Variants in MARK4 observed in about 807,000 individuals in gnomAD.
The protein encoded by MARK4 is MAP/microtubule affinity-regulating kinase 4.
Under a neutral mutation model 81.5 loss-of-function variants are expected in MARK4, and 19 were observed. The ratio of observed to expected loss-of-function variants is 0.23; its 90% CI spans 0.16 to 0.34. The LOEUF (loss-of-function observed/expected upper bound fraction) is 0.34. MARK4 is among the 10% of genes least tolerant of loss of function. MARK4 has a pLI of 1.00. For synonymous variants in MARK4, 436 were observed against 439.0 expected, an observed-to-expected ratio of 0.99 and a Z score of 0.08; for missense variants, 772 against 1,058.8, an observed-to-expected ratio of 0.73 and a Z score of 3.76.
chr19:45,251,569 C>G lies in MARK4; in HGVS notation c.-20C>G, dbSNP rs1034342281. On this transcript the variant is annotated 5_prime_UTR_variant, in exon 1 of 17. Coordinates refer to ENST00000262891, the MANE Select transcript of MARK4 (RefSeq NM_001199867.2). The stretch of plus-strand genomic sequence containing the variant: ...CGCCCCCCCCACCCGGCCGCCCCTG[C>G]CCCCCGGGACCCGGAGAAGATGTCT... 1.5e-6 allele frequency: 2 copies of G among 1,311,232 alleles called. No homozygotes were observed. The highest frequency in any genetic ancestry group is 1.6e-5 in the African/African-American group (1 of 61,482). The allele number at this position is 1,311,232 out of a possible 1,614,324, so 81.2% of individuals were successfully genotyped here.
chr19:45,263,585 T>C (rs1269272116), intron 4 of MARK4, among the ~76,000 whole-genome samples: 1 of 151,496 alleles, frequency 6.6e-6, no homozygotes, highest in Non-Finnish European at 1.5e-5. Context: ...CTACTGAAAA[T>C]ACAAAAATTA....
At chr19:45,262,883 G>A (rs1049612472) in intron 2 of MARK4, 28 of 494,766 alleles carry the variant, frequency 5.7e-5, no homozygotes, top group Non-Finnish European at 7.0e-5. Context: ...TTCCAACTCA[G>A]CCTCCAGAGT....
intron 6 of MARK4, 60 bp downstream of exon 6, chr19:45,264,970 A>T: frequency 6.4e-7 from 1 of 1,563,108 alleles, no homozygotes; most frequent in South Asian, 1.1e-5. Context: ...AGGGCGTCTG[A>T]GAGCTGGGCA....
intron 8 of MARK4, among the ~76,000 whole-genome samples, chr19:45,275,077 A>G (rs948967025): frequency 1.3e-5 from 2 of 152,170 alleles, no homozygotes; most frequent in African/African-American, 4.8e-5. Flanking sequence ...CCTGGCCAAC[A>G]TGGTGAAACC....
At chr19:45,298,484 ATACCTG>A (rs1203253761) in intron 15 of MARK4, among the ~76,000 whole-genome samples, 1 of 152,334 alleles carries the variant, frequency 6.6e-6, no homozygotes, top group Middle Eastern at 3.4e-3. Context: ...AGTAATAACA[ATACCTG>A]TCTCCTAGGG....
intron 7 of MARK4, among the ~76,000 whole-genome samples, chr19:45,267,852 G>A (rs577553832): frequency 1.3e-5 from 2 of 152,154 alleles, no homozygotes; most frequent in South Asian, 4.2e-4. Flanking sequence ...GTAGACAAGG[G>A]ATCTCACTCT....
chr19:45,283,366 G>A (rs1970701256), intron 12 of MARK4, among the ~76,000 whole-genome samples: 1 of 136,230 alleles, frequency 7.3e-6, no homozygotes. Context: ...CTGAGATCGC[G>A]CCACTACACT....
chr19:45,252,482 C>T (rs987645717), intron 1 of MARK4, among the ~76,000 whole-genome samples: 1 of 152,098 alleles, frequency 6.6e-6, no homozygotes, highest in African/African-American at 2.4e-5. Context: ...CAGGCAGCCC[C>T]TTCCCCAACC....
intron 12 of MARK4, among the ~76,000 whole-genome samples, chr19:45,281,367 C>CTTTCTT (rs527694048): frequency 0.024 from 3,226 of 132,064 alleles, 75 homozygotes; most frequent in South Asian, 0.037. Flanking sequence ...TCTTTTCTTT[C>CTTTCTT]TTTTTTTTTT....
intron 9 of MARK4, 106 bp from the exon 10 acceptor site, chr19:45,278,410 A>G (rs893382682): frequency 2.0e-6 from 2 of 1,001,672 alleles, no homozygotes; most frequent in Non-Finnish European, 3.1e-6. Flanking sequence ...GGAAGCCCGC[A>G]ATTCTGGGTG....
intron 8 of MARK4, among the ~76,000 whole-genome samples, chr19:45,275,210 G>A (rs1263595518): frequency 6.6e-6 from 1 of 152,086 alleles, no homozygotes; most frequent in Non-Finnish European, 1.5e-5. Flanking sequence ...CCAGTGAGCC[G>A]AGATTGCGCC....
intron 13 of MARK4, among the ~76,000 whole-genome samples, chr19:45,289,854 T>C (rs561916263): frequency 1.6e-4 from 24 of 152,282 alleles, no homozygotes; most frequent in African/African-American, 5.1e-4. Flanking sequence ...TCCAGCACTT[T>C]GCAAGGCTGA....
chr19:45,298,953 G>T (rs886527960), intron 15 of MARK4, among the ~76,000 whole-genome samples: 5 of 151,046 alleles, frequency 3.3e-5, no homozygotes, highest in African/African-American at 7.3e-5. Flanking sequence ...GACTGCACCT[G>T]TATTCCCATG....
At chr19:45,288,121 G>A (rs1296175697) in intron 13 of MARK4, 3 of 177,292 alleles carry the variant, frequency 1.7e-5, no homozygotes, top group Non-Finnish European at 3.6e-5. Context: ...CCAGCTACTC[G>A]AAAGACCGAG....
In MARK4 at chr19:45,287,631, C is replaced by T. The variant is rs769662445; in HGVS notation, c.1461C>T (p.Ile487=). Residue 487 remains isoleucine (I), a synonymous_variant, in exon 13 of 17, where the codon ATC becomes ATT. Transcript: ENST00000262891. The part of the protein sequence containing the change: ...SSAHNPNKAE[I]PERRKDSTST... ...CCCACAACCCCAACAAGGCAGAGAT[C>T]CCAGAGCGGCGGAAGGACAGCACGA... 2 of 1,597,594 alleles carry T rather than the reference C, an allele frequency of 1.3e-6. No homozygotes were observed. Among genetic ancestry groups the T allele is most frequent in the African/African-American group, 2.7e-5 (2 of 74,738 alleles).
In MARK4 at chr19:45,301,557, C is replaced by CAAAAAAAAAAAAAAAA. The variant is rs10630193; in HGVS notation, c.1923-810_1923-795dup. On this transcript the variant is annotated intron_variant, in intron 16 of 16. Coordinates refer to ENST00000262891, the MANE Select transcript of MARK4 (RefSeq NM_001199867.2). The stretch of plus-strand genomic sequence containing the variant: ...GGGCGACAAGAGCGAAACTCTGTCT[C>CAAAAAAAAAAAAAAAA]AAAAAAAAAAAAAAAAAAAAAAGCC... 4.0e-5 allele frequency among the ~76,000 whole-genome samples: 2 copies of CAAAAAAAAAAAAAAAA among 49,520 alleles called. 1 individual carries two copies. The highest frequency in any genetic ancestry group is 1.7e-4 in the African/African-American group (2 of 11,466). 32.5% of individuals were successfully genotyped at this position (49,520 alleles called of 152,430 possible). A position where few individuals can be genotyped will look rare whatever the true frequency, so the allele number is the denominator to read the frequency against.
Position 45,297,809 on chromosome 19 carries a change from C to T in MARK4, c.1732C>T (p.Arg578Trp), listed in dbSNP as rs1168996493. The change falls in exon 15 of 17, where the codon CGG becomes TGG. Residue 578 changes from arginine to tryptophan, a missense_variant. Coordinates refer to ENST00000262891, the MANE Select transcript of MARK4 (RefSeq NM_001199867.2). The part of the protein sequence containing the change: ...TFHGGQVRDR[R>W]AGGGGGGGVQ... ...CCATGGTGGCCAGGTCCGGGACCGG[C>T]GGGCAGGGGGTGGGGGTGGTGGGGG... The T allele has an allele frequency of 2.2e-5, 26 of 1,177,298 alleles. No homozygotes were observed. The highest frequency in any genetic ancestry group is 2.2e-4 in the Middle Eastern group (1 of 4,600). The allele number at this position is 1,177,298 out of a possible 1,614,324, so 72.9% of individuals were successfully genotyped here.
chr19:45,272,104 G>T (rs1970535841), intron 8 of MARK4, among the ~76,000 whole-genome samples: 1 of 152,186 alleles, frequency 6.6e-6, no homozygotes, highest in Non-Finnish European at 1.5e-5. Flanking sequence ...GGCGGAGGCG[G>T]GAGGCTCACT....
intron 7 of MARK4, among the ~76,000 whole-genome samples, chr19:45,269,096 G>A (rs1162166120): frequency 6.6e-6 from 1 of 152,178 alleles, no homozygotes; most frequent in Admixed American, 6.6e-5. Flanking sequence ...GTAATCCCTG[G>A]CCTGGCGTGA....
Sources: gnomAD v4.1 joint callset for allele counts (sites outside exome capture counted in the v4.1 genomes callset) on GRCh38, gnomAD v4.1.1 for gene constraint, MANE v1.5 for transcripts, NCBI Gene and HGNC (gene_info 2026-07-23, HGNC 2026-07-21) for gene names.